Variants in AGBL4 observed in about 807,000 individuals in gnomAD.
AGBL4 encodes the protein cytosolic carboxypeptidase 6.
Under a neutral mutation model 66.4 loss-of-function variants are expected in AGBL4, and 58 were observed. That is an observed-to-expected ratio of 0.87 (90% CI 0.71 to 1.09). AGBL4 has a LOEUF of 1.09. AGBL4 is among the 50% of genes least tolerant of loss of function. AGBL4 has a pLI of 0.00. For missense variants in AGBL4, 579 were observed against 631.0 expected (o/e 0.92, Z 0.88); for synonymous variants, 234 against 222.9 (o/e 1.05, Z -0.44).
intron 6 of AGBL4, among the ~76,000 whole-genome samples, chr1:48,839,540 A>G (rs1012611795): frequency 2.6e-5 from 4 of 152,142 alleles, no homozygotes; most frequent in Non-Finnish European, 4.4e-5. Flanking sequence ...TCCTGGAGGT[A>G]GTAAATAAAA....
intron 3 of AGBL4, chr1:49,257,358 A>T (rs1195684330): frequency 6.4e-6 from 1 of 157,044 alleles, no homozygotes; most frequent in Non-Finnish European, 1.4e-5. Flanking sequence ...TGTTTACGTA[A>T]GCGAGCCTCA....
intron 3 of AGBL4, among the ~76,000 whole-genome samples, chr1:49,254,633 T>C (rs1056754966): frequency 2.0e-5 from 3 of 152,016 alleles, no homozygotes; most frequent in Non-Finnish European, 4.4e-5. Context: ...TAAACTACCA[T>C]TGAGATTCTT....
At chr1:49,813,878 A>G (rs1181741064) in intron 2 of AGBL4, among the ~76,000 whole-genome samples, 1 of 152,066 alleles carries the variant, frequency 6.6e-6, no homozygotes. Flanking sequence ...TAATCCTTAC[A>G]TGTTATGGGA....
At chr1:49,511,942 CTCAACAGTAAATAAGGAATG>C (rs1415819244) in intron 3 of AGBL4, among the ~76,000 whole-genome samples, 1 of 151,916 alleles carries the variant, frequency 6.6e-6, no homozygotes, top group Non-Finnish European at 1.5e-5. Flanking sequence ...ATTCTGAGTC[CTCAACAGTAAATAAGGAATG>C]ATGCTTGCCC....
At chr1:49,847,385 GC>G (rs1381063393) in intron 2 of AGBL4, among the ~76,000 whole-genome samples, 5 of 152,048 alleles carry the variant, frequency 3.3e-5, no homozygotes, top group Non-Finnish European at 7.4e-5. Flanking sequence ...AAAAGTATAA[GC>G]AACACAAACA....
Position 49,480,045 on chromosome 1 carries a change from G to C in AGBL4, c.282+217268C>G, listed in dbSNP as rs1038880682. On this transcript the variant is annotated intron_variant, in intron 3 of 13. Coordinates refer to ENST00000371839, the MANE Select transcript of AGBL4 (RefSeq NM_032785.4). ...TCTAGTCTATCACTGATGGGCATTTGGGTTGATGCCATGTCTTTGCTCTTG... is the reference window on the plus strand; with the variant it reads ...TCTAGTCTATCACTGATGGGCATTTCGGTTGATGCCATGTCTTTGCTCTTG... Among the ~76,000 whole-genome samples the C allele has an allele frequency of 4.6e-5, 7 of 152,050 alleles. No homozygotes were observed. The South Asian group carries it at 8.3e-4, about 18-fold the overall frequency.
intron 4 of AGBL4, among the ~76,000 whole-genome samples, chr1:49,170,303 A>T (rs1397352414): frequency 6.9e-6 from 1 of 144,380 alleles, no homozygotes; most frequent in Non-Finnish European, 1.5e-5. Context: ...TATTCATATA[A>T]ATATGTTATA....
intron 1 of AGBL4, among the ~76,000 whole-genome samples, chr1:49,891,651 G>A (rs899851457): frequency 5.9e-5 from 9 of 152,182 alleles, no homozygotes; most frequent in Non-Finnish European, 8.8e-5. Context: ...TGGTGAAGAA[G>A]AGAAAGTGGT....
chr1:48,590,977 G>T lies in AGBL4; in HGVS notation c.960C>A (p.Ser320Arg), dbSNP rs964469836. Residue 320 changes from serine to arginine, a missense_variant, in exon 10 of 14, where the codon AGC (serine) becomes AGA (arginine). Coordinates refer to ENST00000371839, the MANE Select transcript of AGBL4 (RefSeq NM_032785.4). ...CATGGATGTCAATATAAAACTCCAGGCTTGTTTTCTGTTGAGAGAAAGGAT... is the reference window on the plus strand; with the variant it reads ...CATGGATGTCAATATAAAACTCCAGTCTTGTTTTCTGTTGAGAGAAAGGAT... The part of the protein sequence containing the change: ...IVQMYNDPKT[S>R]LEFYIDIHAH... 7.5e-6 allele frequency: 12 copies of T among 1,607,786 alleles called. No homozygotes were observed. In the African/African-American group the frequency reaches 1.3e-4, roughly 18 times the overall value.
chr1:48,631,040 C>T (rs1202655142), intron 9 of AGBL4, among the ~76,000 whole-genome samples: 1 of 152,180 alleles, frequency 6.6e-6, no homozygotes, highest in Non-Finnish European at 1.5e-5. Flanking sequence ...GCACCCAGCA[C>T]AGGGCCTGAA....
At chr1:49,841,851 C>A in intron 2 of AGBL4, 1 of 501,910 alleles carries the variant, frequency 2.0e-6, no homozygotes, top group Non-Finnish European at 3.6e-6. Flanking sequence ...CACAGTCAGG[C>A]GGAGCAGGGG....
chr1:49,936,100 A>G (rs1653978490), intron 1 of AGBL4, among the ~76,000 whole-genome samples: 1 of 152,178 alleles, frequency 6.6e-6, no homozygotes, highest in Non-Finnish European at 1.5e-5. Context: ...AACAATTTAG[A>G]TGAATGTATA....
intron 1 of AGBL4, among the ~76,000 whole-genome samples, chr1:49,888,446 T>A (rs1022834414): frequency 1.3e-5 from 2 of 152,164 alleles, no homozygotes; most frequent in African/African-American, 2.4e-5. Flanking sequence ...TTGAGTCATA[T>A]GAGATTCATA....
At chr1:48,996,817 C>CCCTTCCTTCCTCCCTTCCTT (rs1661035730) in intron 5 of AGBL4, among the ~76,000 whole-genome samples, 2 of 147,756 alleles carry the variant, frequency 1.4e-5, no homozygotes, top group African/African-American at 5.1e-5. Flanking sequence ...CTTCCTTCCT[C>CCCTTCCTTCCTCCCTTCCTT]CCTTCCTTCC....
At chr1:48,531,447 C>T (rs1339155812), downstream of AGBL4, among the ~76,000 whole-genome samples, 5 of 152,174 alleles carry the variant, frequency 3.3e-5, no homozygotes, top group Admixed American at 1.3e-4. Flanking sequence ...AGGGAGTCCC[C>T]TCTATTTCCT....
intron 5 of AGBL4, among the ~76,000 whole-genome samples, chr1:48,936,512 C>T (rs1655492198): frequency 6.6e-6 from 1 of 152,064 alleles, no homozygotes; most frequent in South Asian, 2.1e-4. Context: ...GCAATGGGCC[C>T]TTACAGTCCC....
intron 3 of AGBL4, among the ~76,000 whole-genome samples, chr1:49,525,465 G>T (rs1176567748): frequency 6.6e-6 from 1 of 151,992 alleles, no homozygotes; most frequent in Non-Finnish European, 1.5e-5. Flanking sequence ...GCAGTAATGA[G>T]CTTGGTGAGC....
intron 4 of AGBL4, among the ~76,000 whole-genome samples, chr1:49,088,296 C>T (rs137903638): frequency 1.1e-3 from 163 of 152,208 alleles, no homozygotes; most frequent in African/African-American, 3.8e-3. Flanking sequence ...TTGCGAGTTG[C>T]ATAACGAATG....
chr1:49,965,939 AT>A (rs1166636337), intron 1 of AGBL4, among the ~76,000 whole-genome samples: 3,251 of 136,504 alleles, frequency 0.024, 48 homozygotes, highest in African/African-American at 0.076. Flanking sequence ...TATTACAATG[AT>A]TTTTTTTTTT....
Sources: allele counts gnomAD v4.1 joint callset (sites outside exome capture counted in the v4.1 genomes callset), GRCh38; gene constraint gnomAD v4.1.1; transcripts MANE v1.5; gene names NCBI Gene and HGNC (gene_info 2026-07-23, HGNC 2026-07-21).